CWC27: variants seen among roughly 807,000 people sequenced by gnomAD.
CWC27 encodes spliceosome-associated protein CWC27 homolog.
CWC27 carries 47 observed loss-of-function variants against 63.6 expected under a neutral mutation model. That is an observed-to-expected ratio of 0.74 (90% confidence interval 0.58 to 0.94). The LOEUF (loss-of-function observed/expected upper bound fraction) is 0.94, where lower values mean the gene tolerates loss of function less well. CWC27 is among the 40% of genes least tolerant of loss of function. CWC27 has a pLI of 0.00. For synonymous variants in CWC27, 175 were observed against 179.8 expected (o/e 0.97, Z 0.22); for missense variants, 495 against 554.3 (o/e 0.89, Z 1.07).
At chr5:64,989,418 G>A (rs779119553) in intron 13 of CWC27, among the ~76,000 whole-genome samples, 2 of 152,178 alleles carry the variant, frequency 1.3e-5, no homozygotes, top group African/African-American at 2.4e-5. Flanking sequence ...TTCTCAGCAT[G>A]AGCAAATTTT....
rs374064326 is a variant in CWC27 at position 64,857,758 on chromosome 5, T to C, written c.939-27685T>C. Among the ~76,000 whole-genome samples the C allele has an allele frequency of 1.1e-4, 17 of 152,350 alleles. No individual in the cohort carries two copies. In the East Asian group the frequency reaches 1.3e-3, roughly 12 times the overall value. On this transcript the variant is annotated intron_variant, in intron 10 of 13. Coordinates refer to ENST00000381070, the MANE Select transcript of CWC27 (RefSeq NM_005869.4). Reference sequence around the variant, plus strand: ...TTATTAGAATTGTGATTGTGTTTTATATTATTTCAGTATCAGTTGCACTTT... The same window carrying C: ...TTATTAGAATTGTGATTGTGTTTTACATTATTTCAGTATCAGTTGCACTTT...
chr5:65,018,045 C>A, intron 13 of CWC27, 114 bp from the exon 14 acceptor site: 1 of 939,660 alleles, frequency 1.1e-6, no homozygotes, highest in Non-Finnish European at 1.5e-6. Flanking sequence ...AACAACAAAC[C>A]CATCTTGGTG....
chr5:64,940,885 C>T lies in CWC27; in HGVS notation c.1043-30818C>T, dbSNP rs6892485. Among the ~76,000 whole-genome samples the T allele has an allele frequency of 8.2e-3, 809 of 98,216 alleles. 7 individuals are homozygous for T. The highest frequency in any genetic ancestry group is 0.029 in the African/African-American group (754 of 25,698). The allele number at this position is 98,216 out of a possible 152,430, so 64.4% of individuals were successfully genotyped here. ...TTTTTTTGAGACAGTCTTACTTTGT[C>T]GCCCCGGCTGGAGTGGAATGGCACG... is the stretch of plus-strand genomic sequence containing the variant. On this transcript the variant is annotated intron_variant, in intron 11 of 13. Transcript: ENST00000381070.
Position 64,798,007 on chromosome 5 carries a change from G to T in CWC27, c.670-2241G>T, listed in dbSNP as rs990171508. 4.5e-4 allele frequency among the ~76,000 whole-genome samples: 68 copies of T among 152,224 alleles called. 1 individual carries two copies. The highest frequency in any genetic ancestry group is 4.1e-3 in the Admixed American group (63 of 15,284). ...ATGTTTATGATTGTGACTTTATAAG[G>T]GAACCAGGTGGGGAGAATTAATATA... is the stretch of plus-strand genomic sequence containing the variant. On this transcript the variant is annotated intron_variant, in intron 7 of 13. Coordinates refer to ENST00000381070, the MANE Select transcript of CWC27 (RefSeq NM_005869.4).
At chr5:64,886,505 C>A (rs1747075201) in intron 11 of CWC27, among the ~76,000 whole-genome samples, 1 of 152,032 alleles carries the variant, frequency 6.6e-6, no homozygotes, top group African/African-American at 2.4e-5. Context: ...ATTCTATTAA[C>A]AGTCACTGGA....
chr5:64,907,938 T>C (rs1385069282), intron 11 of CWC27, among the ~76,000 whole-genome samples: 1 of 152,252 alleles, frequency 6.6e-6, no homozygotes, highest in Non-Finnish European at 1.5e-5. Context: ...CTTTTGAATT[T>C]GTTTGCTCTT....
intron 13 of CWC27, among the ~76,000 whole-genome samples, chr5:64,995,450 A>G (rs1266684311): frequency 6.6e-6 from 1 of 152,166 alleles, no homozygotes; most frequent in Non-Finnish European, 1.5e-5. Context: ...CATAATCCCA[A>G]GATTATATAA....
At chr5:64,927,149 T>C (rs979229083) in intron 11 of CWC27, among the ~76,000 whole-genome samples, 2 of 152,214 alleles carry the variant, frequency 1.3e-5, no homozygotes, top group Non-Finnish European at 2.9e-5. Flanking sequence ...AGTTCAATAA[T>C]AGGATTCCAA....
intron 10 of CWC27, among the ~76,000 whole-genome samples, chr5:64,859,974 A>G (rs1418468076): frequency 2.6e-5 from 4 of 152,186 alleles, no homozygotes; most frequent in African/African-American, 9.7e-5. Context: ...TATTTGGCCC[A>G]TCCTTGTATA....
chr5:64,945,794 A>G (rs1333313157), intron 11 of CWC27, among the ~76,000 whole-genome samples: 1 of 152,160 alleles, frequency 6.6e-6, no homozygotes, highest in Non-Finnish European at 1.5e-5. Flanking sequence ...ATAATCCTTC[A>G]TGTGAGCTTA....
At chr5:64,935,839 G>A (rs183485880) in intron 11 of CWC27, among the ~76,000 whole-genome samples, 120 of 152,168 alleles carry the variant, frequency 7.9e-4, no homozygotes, top group African/African-American at 2.7e-3. Context: ...GTATTCCTAG[G>A]TATTTTATTC....
At chr5:65,017,050 G>C (rs539865265) in intron 13 of CWC27, among the ~76,000 whole-genome samples, 5 of 152,080 alleles carry the variant, frequency 3.3e-5, no homozygotes. Flanking sequence ...CGCCGGGCAC[G>C]GTGGCTCACA....
chr5:64,932,502 A>G (rs535813698), intron 11 of CWC27, among the ~76,000 whole-genome samples: 1 of 152,296 alleles, frequency 6.6e-6, no homozygotes, highest in African/African-American at 2.4e-5. Flanking sequence ...TGGTTTATAG[A>G]ATCATAAGGC....
chr5:64,809,928 G>A (rs1335513373), intron 10 of CWC27, among the ~76,000 whole-genome samples: 6 of 151,444 alleles, frequency 4.0e-5, no homozygotes, highest in Admixed American at 3.9e-4. Context: ...TTTTACTTTT[G>A]TTGACTGTGT....
At chr5:64,989,721 C>T (rs1749499476) in intron 13 of CWC27, among the ~76,000 whole-genome samples, 1 of 152,148 alleles carries the variant, frequency 6.6e-6, no homozygotes, top group Non-Finnish European at 1.5e-5. Flanking sequence ...TGGTTGGAGA[C>T]TCAGGATGGC....
rs78170851 is a variant in CWC27, at chr5:64,823,996, C to T, written c.938+19610C>T. On this transcript the variant is annotated intron_variant, in intron 10 of 13. Transcript: ENST00000381070. ...AAAACTTTATGACAACCTCATAGAA[C>T]AAAAATAACGTGTCTACCAATGTGA... 2.9e-3 allele frequency among the ~76,000 whole-genome samples: 437 copies of T among 152,054 alleles called. 5 individuals carry two copies. Among genetic ancestry groups the T allele is most frequent in the African/African-American group, 0.01 (415 of 41,498 alleles).
At chr5:64,852,612 C>T (rs947542853) in intron 10 of CWC27, among the ~76,000 whole-genome samples, 2 of 151,996 alleles carry the variant, frequency 1.3e-5, no homozygotes, top group African/African-American at 4.8e-5. Context: ...GCTGGGATTA[C>T]AGGCACCTGC....
At chr5:64,953,588 G>C (rs1473001482) in intron 11 of CWC27, among the ~76,000 whole-genome samples, 1 of 151,908 alleles carries the variant, frequency 6.6e-6, no homozygotes, top group Non-Finnish European at 1.5e-5. Flanking sequence ...GATTGCTTTA[G>C]TGACTAATTC....
intron 13 of CWC27, among the ~76,000 whole-genome samples, chr5:64,996,273 C>A (rs1421039814): frequency 6.6e-6 from 1 of 152,010 alleles, no homozygotes; most frequent in Non-Finnish European, 1.5e-5. Flanking sequence ...TCGCAAAATC[C>A]CCCTCCAAAA....
Sources: allele counts gnomAD v4.1 joint callset (sites outside exome capture counted in the v4.1 genomes callset), GRCh38; gene constraint gnomAD v4.1.1; transcripts MANE v1.5; gene names NCBI Gene and HGNC (gene_info 2026-07-23, HGNC 2026-07-21).